TTN: variants seen among roughly 807,000 people sequenced by gnomAD.
TTN encodes the protein connectin.
Under a neutral mutation model 3,223.0 loss-of-function variants are expected in TTN, and 1,525 were observed. That is an observed-to-expected ratio of 0.47 (90% CI 0.45 to 0.49). The LOEUF (loss-of-function observed/expected upper bound fraction) is 0.49, where lower values mean the gene tolerates loss of function less well. Among genes scored for constraint, TTN ranks in the 20% least tolerant of loss-of-function variants. The probability of loss-of-function intolerance (pLI) is 0.00; values close to 1 mark genes in which losing one functional copy is unlikely to be tolerated. For synonymous variants in TTN, 14,094 were observed against 15,161.0 expected, an observed-to-expected ratio of 0.93 and a Z score of 5.17; for missense variants, 40,786 against 43,424.0, an observed-to-expected ratio of 0.94 and a Z score of 5.40.
rs760377288 is a variant in TTN, at chr2:178,548,523, A to C, written c.93103T>G (p.Leu31035Val). Reference sequence around the variant, plus strand: ...TCAAGAAGAGGGGCATCCCACATCAATGTAGCAGATCCCCGGGTCACATCT... The same window carrying C: ...TCAAGAAGAGGGGCATCCCACATCACTGTAGCAGATCCCCGGGTCACATCT... The part of the protein sequence containing the change: ...FKDVTRGSAT[L>V]MWDAPLLDGG... Residue 31035 changes from leucine (L) to valine (V), a missense_variant, in exon 339 of 363, where the codon TTG (leucine) becomes GTG (valine). By Grantham distance (32) the Leu-to-Val change is conservative (BLOSUM62 1). Transcript: ENST00000589042. This position sits in a 1 kb window ranked among gnomAD's most constrained non-coding sequence, Gnocchi z 4.3. The C allele has an allele frequency of 1.9e-6, 3 of 1,613,860 alleles. No homozygotes were observed. The highest frequency in any genetic ancestry group is 1.7e-6 in the Non-Finnish European group (2 of 1,179,800).
In TTN at chr2:178,549,680, G is replaced by T. The variant is rs201400267; in HGVS notation, c.92042C>A (p.Ala30681Asp). 4.2e-4 allele frequency: 680 copies of T among 1,613,686 alleles called. No homozygotes were observed. The highest frequency in any genetic ancestry group is 5.5e-4 in the Non-Finnish European group (644 of 1,179,772). ...EDKCEAQSYT[A>D]IKLINGNEYQ... ...TTCATTGCCGTTTATTAGTTTAATG[G>T]CAGTGTAACTTTGGGCTTCACATTT... Residue 30681 changes from alanine to aspartate, a missense_variant, in exon 338 of 363, where the codon GCC becomes GAC. Ala to Asp is a moderately radical substitution (Grantham distance 126). Transcript: ENST00000589042.
chr2:178,544,143 A>G (rs1276370203), intron 345 of TTN, 28 bp from the exon 346 acceptor site: 1 of 1,601,234 alleles, frequency 6.2e-7, no homozygotes, highest in East Asian at 2.2e-5. Context: ...AAATTTAATT[A>G]ATTCATGGAC....
In TTN at chr2:178,552,859, C is replaced by T. The variant is rs1359003253; in HGVS notation, c.90041G>A (p.Gly30014Glu). 33 of 1,613,812 alleles carry T rather than the reference C, an allele frequency of 2.0e-5. No homozygotes were observed. Among genetic ancestry groups the T allele is most frequent in the Non-Finnish European group, 2.7e-5 (32 of 1,179,818 alleles). The stretch of plus-strand genomic sequence containing the variant: ...TGTAGTTTCACAGGGTTCCCCAATT[C>T]CAATTTCATTTTCTGCAAGAACTCT... ...FFRVLAENEIGIGEPCETTEP... is the reference protein window; with the variant it reads ...FFRVLAENEIEIGEPCETTEP... Residue 30014 changes from glycine (G) to glutamate (E), a missense_variant, in exon 335 of 363, where the codon GGA (glycine) becomes GAA (glutamate). By Grantham distance (98) the Gly-to-Glu change is moderately conservative. Transcript: ENST00000589042.
chr2:178,679,984 C>G lies in TTN; in HGVS notation c.33490G>C (p.Glu11164Gln). 6.2e-7 allele frequency: 1 copy of G among 1,613,246 alleles called. No homozygotes were observed. Among genetic ancestry groups the G allele is most frequent in the Non-Finnish European group, 8.5e-7 (1 of 1,179,456 alleles). ...FEEEVVTHVE[E>Q]YLVEEEEEYI... ...TCTTCTTCTTCTTCTACAAGATATT[C>G]TTCTACATGGGTTACAACTTCCTCT... Residue 11164 changes from glutamate (E) to glutamine (Q), a missense_variant, in exon 140 of 363, where the codon GAA becomes CAA. Transcript: ENST00000589042.
In TTN at chr2:178,756,776, C is replaced by T. The variant is rs72955213; in HGVS notation, c.10700G>A (p.Ser3567Asn). 0.017 allele frequency: 28,038 copies of T among 1,613,548 alleles called. 305 individuals are homozygous for T. The highest frequency in any genetic ancestry group is 0.02 in the Non-Finnish European group (23,971 of 1,179,632). The change falls in exon 46 of 363, where the codon AGT becomes AAT. Residue 3567 changes from serine to asparagine, a missense_variant. Coordinates refer to ENST00000589042, the MANE Select transcript of TTN (RefSeq NM_001267550.2). ...TPKVQALDRQ[S>N]SGKDVRESTK... ...GGACTCTCTTACATCTTTCCCAGAA[C>T]TTTGCCTATCTAGGGCTTGCACTGT... is the stretch of plus-strand genomic sequence containing the variant.
In TTN at chr2:178,539,132, C is replaced by T. The variant is rs1407053984; in HGVS notation, c.98803G>A (p.Glu32935Lys). The change falls in exon 353 of 363, where the codon GAA becomes AAA. Residue 32935 changes from glutamate to lysine, a missense_variant. Transcript: ENST00000589042. ...GGSRVTGYYI[E>K]RKETSTDKWV... The stretch of plus-strand genomic sequence containing the variant: ...TTGTCAGTGGATGTCTCTTTGCGTT[C>T]GATGTAGTAGCCTGTGACTCTAGAA... 18 of 1,613,558 alleles carry T rather than the reference C, an allele frequency of 1.1e-5. No individual in the cohort carries two copies. The highest frequency in any genetic ancestry group is 3.3e-5 in the Admixed American group (2 of 59,978).
At position 178,557,455 on chromosome 2, in the gene TTN, G is replaced by A. The variant is rs767666156; in HGVS notation, c.87807C>T (p.Val29269=). ...HEPVSNGGSA[V]VGYHLEMKDR... is the part of the protein sequence containing the mutation. ...CTTTCATTTCCAGGTGATAGCCTACGACTGCACTGCCTCCATTTGACACTG... is the reference window on the plus strand; with the variant it reads ...CTTTCATTTCCAGGTGATAGCCTACAACTGCACTGCCTCCATTTGACACTG... Residue 29269 remains valine (V), a synonymous_variant, in exon 329 of 363, where the codon GTC becomes GTT. Coordinates refer to ENST00000589042, the MANE Select transcript of TTN (RefSeq NM_001267550.2). The A allele has an allele frequency of 1.3e-5, 21 of 1,613,768 alleles. No homozygotes were observed. The highest frequency in any genetic ancestry group is 1.7e-5 in the Non-Finnish European group (20 of 1,179,870).
intron 238 of TTN, 111 bp from the exon 239 acceptor site, chr2:178,630,478 CT>C: frequency 7.6e-7 from 1 of 1,318,054 alleles, no homozygotes; most frequent in Non-Finnish European, 1.0e-6. Context: ...GGTGATGAAA[CT>C]TTATATAACT....
At chr2:178,697,706 T>C (rs889634111) in intron 112 of TTN, among the ~76,000 whole-genome samples, 5 of 152,208 alleles carry the variant, frequency 3.3e-5, no homozygotes, top group African/African-American at 1.2e-4. Context: ...GAGTTAAAAC[T>C]ATTTGTTTAA....
rs769161359 is a variant in TTN, at chr2:178,586,717, C to A, written c.64184G>T (p.Gly21395Val). 4.3e-6 allele frequency: 7 copies of A among 1,613,122 alleles called. No homozygotes were observed. Among genetic ancestry groups the A allele is most frequent in the Non-Finnish European group, 5.9e-6 (7 of 1,179,372 alleles). ...LAWLPPLRDG[G>V]AKIDGYITSY... ...AGTGATGTAGCCATCGATTTTAGCA[C>A]CTCCATCACGTAGGGGAGGTAACCA... The change falls in exon 308 of 363, where the codon GGT becomes GTT. Residue 21395 changes from glycine (G) to valine (V), a missense_variant. Transcript: ENST00000589042.
chr2:178,592,603 C>A lies in TTN; in HGVS notation c.59402G>T (p.Gly19801Val). Residue 19801 changes from glycine to valine, a missense_variant, in exon 301 of 363, where the codon GGT (glycine) becomes GTT (valine). Gly to Val is a moderately radical substitution (Grantham distance 109). Coordinates refer to ENST00000589042, the MANE Select transcript of TTN (RefSeq NM_001267550.2). ...NMAREQHIKV[G>V]DTLRLSAIIK... ...GATGGCACTAAGTCTTAGAGTATCACCAACTTTAATGTGTTGTTCTCTTGC... is the reference window on the plus strand; with the variant it reads ...GATGGCACTAAGTCTTAGAGTATCAACAACTTTAATGTGTTGTTCTCTTGC... 1 of 1,613,430 alleles carries A rather than the reference C, an allele frequency of 6.2e-7. No homozygotes were observed.
rs533447102 is a variant in TTN at position 178,547,195 on chromosome 2, A to G, written c.94330T>C (p.Trp31444Arg). ...GTATTACGTTCTTTCTTCTCAACCC[A>G]GTAGCCAATGATTTTACTGCCACCA... The part of the protein sequence containing the change: ...HDGGSKIIGY[W>R]VEKKERNTIL... Residue 31444 changes from tryptophan (W) to arginine (R), a missense_variant, in exon 340 of 363, where the codon TGG becomes CGG. By Grantham distance (101) the Trp-to-Arg change is moderately radical (BLOSUM62 -3). Coordinates refer to ENST00000589042, the MANE Select transcript of TTN (RefSeq NM_001267550.2). 36 of 1,613,818 alleles carry G rather than the reference A, an allele frequency of 2.2e-5. No individual in the cohort carries two copies. The South Asian group carries it at 3.4e-4, about 15-fold the overall frequency.
At position 178,594,062 on chromosome 2, in the gene TTN, A is replaced by G. The variant is rs1239800877; in HGVS notation, c.58331T>C (p.Leu19444Ser). The G allele has an allele frequency of 6.2e-7, 1 of 1,613,380 alleles. No homozygotes were observed. Among genetic ancestry groups the G allele is most frequent in the Non-Finnish European group, 8.5e-7 (1 of 1,179,654 alleles). ...HIKTTPATLALEKIKAKRSDS... is the reference protein window; with the variant it reads ...HIKTTPATLASEKIKAKRSDS... ...TGAACGTTTGGCCTTGATCTTCTCT[A>G]AAGCAAGTGTTGCTGGTGTAGTCTT... The change falls in exon 297 of 363, where the codon TTA becomes TCA. Residue 19444 changes from leucine (L) to serine (S), a missense_variant. Physicochemically the swap from Leu to Ser is moderately radical, Grantham distance 145 (BLOSUM62 -2). Transcript: ENST00000589042.
rs1166497792 is a variant in TTN at position 178,584,282 on chromosome 2, G to A, written c.65269C>T (p.Pro21757Ser). The A allele has an allele frequency of 7.1e-6, 11 of 1,551,336 alleles. No individual in the cohort carries two copies. Among genetic ancestry groups the A allele is most frequent in the Non-Finnish European group, 9.6e-6 (11 of 1,149,412 alleles). The change falls in exon 311 of 363, where the codon CCA (proline) becomes TCA (serine). Residue 21757 changes from proline (P) to serine (S), a missense_variant. Pro to Ser is a moderately conservative substitution (Grantham distance 74). Transcript: ENST00000589042. ...AAAAAACCCCAAAACTTACCAACTG[G>A]CATTCTTGCAGTTACATATTCTGTG... ...KPTEYVTARM[P>S]VDPPGKPEVI...
chr2:178,538,548 T>TTAG lies in TTN; in HGVS notation c.99278_99280dup (p.Thr33093dup). On this transcript the variant is annotated inframe_insertion, in exon 354 of 363. Transcript: ENST00000589042. ...AACCAAAGGCTACTTACATGTGAGT[T>TTAG]TAGTCTTTATAGACATAGCAGTTCT... The TTAG allele has an allele frequency of 6.2e-7, 1 of 1,608,584 alleles. No individual in the cohort carries two copies. The highest frequency in any genetic ancestry group is 8.5e-7 in the Non-Finnish European group (1 of 1,177,048).
rs569260176 is a variant in TTN, at chr2:178,585,446, A to T, written c.64397-99T>A. On this transcript the variant is annotated intron_variant, in intron 308 of 362. Coordinates refer to ENST00000589042, the MANE Select transcript of TTN (RefSeq NM_001267550.2). ...CAAATTAATGCTTGTATTACCACCA[A>T]TTTTTTTTAATATATACTTTAAGTT... is the stretch of plus-strand genomic sequence containing the variant. The T allele has an allele frequency of 6.2e-6, 8 of 1,286,714 alleles. No individual in the cohort carries two copies. The East Asian group carries it at 1.9e-4, about 31-fold the overall frequency. The allele number at this position is 1,286,714 out of a possible 1,614,324, so 79.7% of individuals were successfully genotyped here.
Position 178,636,887 on chromosome 2 carries a change from C to A in TTN, c.40928-88G>T, listed in dbSNP as rs1050374407. 26 of 1,403,450 alleles carry A rather than the reference C, an allele frequency of 1.9e-5. No homozygotes were observed. Among genetic ancestry groups the A allele is most frequent in the South Asian group, 3.1e-5 (2 of 64,628 alleles). The allele number at this position is 1,403,450 out of a possible 1,614,324, so 86.9% of individuals were successfully genotyped here. On this transcript the variant is annotated intron_variant, in intron 224 of 362. Transcript: ENST00000589042. The surrounding 1 kb of genome is among the most constrained non-coding windows in gnomAD (Gnocchi z 4.3). ...TGGCTGCCTGCTGGATAAAACCAGC[C>A]GTAAAGCAATTAGAAGACGAGAAAA...
intron 316 of TTN, 59 bp downstream of exon 316, chr2:178,581,440 T>TCC: frequency 7.1e-7 from 1 of 1,413,788 alleles, no homozygotes; most frequent in Non-Finnish European, 9.6e-7. Context: ...AGTTCTAGTC[T>TCC]CCCTCTTAGA....
At chr2:178,715,355 G>T (rs2077328742) in intron 89 of TTN, 91 bp from the exon 90 acceptor site, 3 of 1,506,694 alleles carry the variant, frequency 2.0e-6, no homozygotes, top group Non-Finnish European at 2.7e-6. Context: ...GAGAGATAGA[G>T]AGTGAAAAAA....
Sources: allele counts gnomAD v4.1 joint callset (sites outside exome capture counted in the v4.1 genomes callset), GRCh38; gene constraint gnomAD v4.1.1; non-coding constraint Gnocchi (gnomAD v3.1); transcripts MANE v1.5; gene names NCBI Gene and HGNC (gene_info 2026-07-23, HGNC 2026-07-21).